Variants in SORCS1 observed in about 807,000 individuals in gnomAD.
SORCS1 encodes VPS10 domain-containing receptor SorCS1.
Under a neutral mutation model 146.1 loss-of-function variants are expected in SORCS1, and 60 were observed. The ratio of observed to expected loss-of-function variants is 0.41; its 90% CI spans 0.33 to 0.51. SORCS1 has a LOEUF of 0.51. Among genes scored for constraint, SORCS1 ranks in the 20% least tolerant of loss-of-function variants. SORCS1 has a pLI of 0.21. For missense variants in SORCS1, 1,352 were observed against 1,487.6 expected, an observed-to-expected ratio of 0.91 and a Z score of 1.50; for synonymous variants, 637 against 584.0, an observed-to-expected ratio of 1.09 and a Z score of -1.31.
chr10:106,708,203 G>A (rs1179547937), intron 7 of SORCS1, among the ~76,000 whole-genome samples: 1 of 152,080 alleles, frequency 6.6e-6, no homozygotes. Flanking sequence ...TGCTGAAATT[G>A]TCAGAGTATT....
chr10:106,748,452 C>T (rs1214530502), intron 5 of SORCS1, among the ~76,000 whole-genome samples: 1 of 152,042 alleles, frequency 6.6e-6, no homozygotes, highest in Non-Finnish European at 1.5e-5. Context: ...CATGTGTGTT[C>T]TGATGGCTCC....
chr10:106,588,644 G>A (rs1278690257), intron 24 of SORCS1, among the ~76,000 whole-genome samples: 1 of 151,816 alleles, frequency 6.6e-6, no homozygotes. Context: ...GGCAGATCAC[G>A]AGGTCAGGAG....
chr10:106,984,508 C>T lies in SORCS1; in HGVS notation c.559-27928G>A, dbSNP rs185109946. 4.2e-4 allele frequency among the ~76,000 whole-genome samples: 64 copies of T among 151,844 alleles called. 1 individual carries two copies. In the East Asian group the frequency reaches 0.011, roughly 25 times the overall value. On this transcript the variant is annotated intron_variant, in intron 1 of 25. Transcript: ENST00000263054. ...TCCCGGGTTCACACCATTCTCCTGC[C>T]TCAGCCTCCTGAGTAGCTGGGACTA...
At chr10:106,806,232 G>T (rs1040644776) in intron 3 of SORCS1, among the ~76,000 whole-genome samples, 1 of 150,112 alleles carries the variant, frequency 6.7e-6, no homozygotes, top group Non-Finnish European at 1.5e-5. Context: ...GCCAGATGTG[G>T]TGGTGTGAAC....
chr10:107,087,577 T>C (rs952752996), intron 1 of SORCS1, among the ~76,000 whole-genome samples: 5 of 152,218 alleles, frequency 3.3e-5, no homozygotes, highest in Non-Finnish European at 5.9e-5. Context: ...ATGTATGTAA[T>C]ATACCAAGTC....
chr10:107,057,441 A>G (rs1960754139), intron 1 of SORCS1, among the ~76,000 whole-genome samples: 1 of 152,146 alleles, frequency 6.6e-6, no homozygotes, highest in Non-Finnish European at 1.5e-5. Context: ...CTTGGGAGTC[A>G]TATCCTCAAA....
intron 1 of SORCS1, among the ~76,000 whole-genome samples, chr10:107,080,667 T>C (rs1963262638): frequency 6.6e-6 from 1 of 152,206 alleles, no homozygotes; most frequent in Non-Finnish European, 1.5e-5. Context: ...ACATTTTACA[T>C]ACAAGAGCTG....
At position 106,958,997 on chromosome 10, in the gene SORCS1, G is replaced by T. The variant is rs539483775; in HGVS notation, c.559-2417C>A. Among the ~76,000 whole-genome samples, 9 of 152,148 alleles carry T rather than the reference G, an allele frequency of 5.9e-5. No individual in the cohort carries two copies. In the South Asian group the frequency reaches 1.9e-3, roughly 32 times the overall value. ...GTAGTTGCTCTCCTGATACAAGACCGCAGTAAACTAAATAATGAAGTTCAG... is the reference window on the plus strand; with the variant it reads ...GTAGTTGCTCTCCTGATACAAGACCTCAGTAAACTAAATAATGAAGTTCAG... On this transcript the variant is annotated intron_variant, in intron 1 of 25. Transcript: ENST00000263054.
At chr10:106,887,451 T>C (rs184216710) in intron 2 of SORCS1, among the ~76,000 whole-genome samples, 9 of 152,254 alleles carry the variant, frequency 5.9e-5, no homozygotes, top group Non-Finnish European at 1.2e-4. Flanking sequence ...ATAGAGACTA[T>C]AAGTTCAAAT....
chr10:106,908,867 G>A (rs1026333731), intron 2 of SORCS1, among the ~76,000 whole-genome samples: 3 of 152,118 alleles, frequency 2.0e-5, no homozygotes, highest in African/African-American at 7.2e-5. Flanking sequence ...ATCTGCCCTA[G>A]GCATCTTCAG....
chr10:106,728,079 T>A (rs147092637), intron 6 of SORCS1, among the ~76,000 whole-genome samples: 2,069 of 152,044 alleles, frequency 0.014, 45 homozygotes, highest in African/African-American at 0.048. Flanking sequence ...GTCGCCAGGC[T>A]GGAGAGCAGT....
At chr10:106,793,293 A>AAT (rs1946403015) in intron 3 of SORCS1, among the ~76,000 whole-genome samples, 1 of 152,216 alleles carries the variant, frequency 6.6e-6, no homozygotes, top group South Asian at 2.1e-4. Flanking sequence ...GTGACAGGGG[A>AAT]ATCACGTATG....
chr10:107,131,486 G>A (rs1036783227), intron 1 of SORCS1, among the ~76,000 whole-genome samples: 1 of 152,154 alleles, frequency 6.6e-6, no homozygotes, highest in African/African-American at 2.4e-5. Flanking sequence ...ACTTTGGGAG[G>A]CCAAGGTGGG....
intron 23 of SORCS1, among the ~76,000 whole-genome samples, chr10:106,598,631 A>C (rs1846053829): frequency 6.6e-6 from 1 of 152,148 alleles, no homozygotes; most frequent in Non-Finnish European, 1.5e-5. Context: ...TATTTTACTT[A>C]ACATGTTATT....
intron 10 of SORCS1, among the ~76,000 whole-genome samples, chr10:106,685,238 G>C (rs1564856114): frequency 1.3e-5 from 2 of 152,120 alleles, no homozygotes; most frequent in African/African-American, 4.8e-5. Context: ...ACCTTTCGAT[G>C]GAGTGCACAC....
intron 9 of SORCS1, among the ~76,000 whole-genome samples, chr10:106,692,739 G>A (rs890846792): frequency 7.9e-5 from 12 of 152,024 alleles, no homozygotes; most frequent in African/African-American, 2.9e-4. Context: ...TCCAAAACTT[G>A]GAATGTTTTA....
At chr10:106,781,142 GC>G (rs1293955821) in intron 3 of SORCS1, among the ~76,000 whole-genome samples, 3 of 152,062 alleles carry the variant, frequency 2.0e-5, no homozygotes, top group African/African-American at 7.2e-5. Context: ...GTCGTCTCCT[GC>G]GGGCCTTCTT....
intron 1 of SORCS1, among the ~76,000 whole-genome samples, chr10:106,967,403 G>GA (rs1174591646): frequency 1.3e-5 from 2 of 151,222 alleles, no homozygotes; most frequent in African/African-American, 4.9e-5. Flanking sequence ...ATTTTTTCTA[G>GA]AAAAAAACCA....
At chr10:107,163,255 T>C (rs527622663) in intron 1 of SORCS1, among the ~76,000 whole-genome samples, 1 of 152,312 alleles carries the variant, frequency 6.6e-6, no homozygotes, top group Non-Finnish European at 1.5e-5. Flanking sequence ...AACAGGGAGT[T>C]GTTGTCACTG....
Sources: gnomAD v4.1 joint callset for allele counts (sites outside exome capture counted in the v4.1 genomes callset) on GRCh38, gnomAD v4.1.1 for gene constraint, MANE v1.5 for transcripts, NCBI Gene and HGNC (gene_info 2026-07-23, HGNC 2026-07-21) for gene names.